Variants in CATSPER4 observed in about 807,000 individuals in gnomAD.
CATSPER4 encodes cation channel sperm associated 4.
In CATSPER4, 46 loss-of-function variants were observed where a neutral mutation model predicts 54.4. The ratio of observed to expected loss-of-function variants is 0.84; its 90% CI spans 0.67 to 1.08. CATSPER4 has a LOEUF of 1.08. Ranked by LOEUF, CATSPER4 falls within the 50% of genes least tolerant of loss-of-function variation. CATSPER4 has a pLI of 0.00. For synonymous variants in CATSPER4, 230 were observed against 231.9 expected (o/e 0.99, Z 0.08); for missense variants, 574 against 612.8 (o/e 0.94, Z 0.67).
chr1:26,193,832 A>G lies in CATSPER4; in HGVS notation c.403A>G (p.Ile135Val), dbSNP rs1219986009. ...FSTIDDIVLT[I>V]LLCEVLLGWL... is the part of the protein sequence containing the mutation. ...TACCATAGATGACATTGTGCTGACC[A>G]TCCTTCTTTGTGAGGTTCTCCTTGG... Residue 135 changes from isoleucine (I) to valine (V), a missense_variant, in exon 3 of 10, where the codon ATC (isoleucine) becomes GTC (valine). Coordinates refer to ENST00000456354, the MANE Select transcript of CATSPER4 (RefSeq NM_198137.2). 2.5e-6 allele frequency: 4 copies of G among 1,613,926 alleles called. No homozygotes were observed. The highest frequency in any genetic ancestry group is 1.3e-5 in the African/African-American group (1 of 74,878).
At chr1:26,194,239 G>A (rs1569902122) in intron 3 of CATSPER4, among the ~76,000 whole-genome samples, 1 of 152,330 alleles carries the variant, frequency 6.6e-6, no homozygotes, top group East Asian at 1.9e-4. Flanking sequence ...AAGATTTTAA[G>A]CTTCATGGCT....
Position 26,197,722 on chromosome 1 carries a change from A to T in CATSPER4, c.496A>T (p.Ile166Phe). 6.2e-7 allele frequency: 1 copy of T among 1,613,774 alleles called. No homozygotes were observed. The highest frequency in any genetic ancestry group is 8.5e-7 in the Non-Finnish European group (1 of 1,179,962). Residue 166 changes from isoleucine (I) to phenylalanine (F), a missense_variant, in exon 4 of 10, where the codon ATC (isoleucine) becomes TTC (phenylalanine). Coordinates refer to ENST00000456354, the MANE Select transcript of CATSPER4 (RefSeq NM_198137.2). ...WNILNFIIVF[I>F]LLLRFFINEI... ...CATCCTCAACTTCATTATCGTCTTTATCTTGCTCTTGCGGTTCTTCATTAA... is the reference window on the plus strand; with the variant it reads ...CATCCTCAACTTCATTATCGTCTTTTTCTTGCTCTTGCGGTTCTTCATTAA...
intron 3 of CATSPER4, among the ~76,000 whole-genome samples, chr1:26,196,310 T>G (rs2088937531): frequency 6.6e-6 from 1 of 151,734 alleles, no homozygotes; most frequent in Admixed American, 6.6e-5. Context: ...GCTACATAGC[T>G]ACATAGTATT....
At chr1:26,201,780 C>G (rs1438031038) in intron 9 of CATSPER4, among the ~76,000 whole-genome samples, 3 of 149,648 alleles carry the variant, frequency 2.0e-5, no homozygotes, top group Non-Finnish European at 4.4e-5. Context: ...ACCTCTGCGG[C>G]CTGGGTTCAA....
rs199946876 is a variant in CATSPER4 at position 26,190,818 on chromosome 1, G to A, written c.191G>A (p.Arg64His). 32 of 1,611,350 alleles carry A rather than the reference G, an allele frequency of 2.0e-5. 1 individual carries two copies. The highest frequency in any genetic ancestry group is 8.5e-6 in the Non-Finnish European group (10 of 1,178,998). Residue 64 changes from arginine (R) to histidine (H), a missense_variant, in exon 1 of 10, where the codon CGC becomes CAC. Transcript: ENST00000456354. ...GRPEEQVLIN[R>H]QEITNKADAW... ...CCAGAGGAGCAAGTGCTCATCAACCGCCAGGAAATCACGAACAAAGCGGTA... is the reference window on the plus strand; with the variant it reads ...CCAGAGGAGCAAGTGCTCATCAACCACCAGGAAATCACGAACAAAGCGGTA...
chr1:26,201,713 G>A (rs1180968868), intron 9 of CATSPER4, 194 bp downstream of exon 9: 7 of 498,442 alleles, frequency 1.4e-5, no homozygotes, highest in South Asian at 4.1e-5. Context: ...TTTTTGAGAC[G>A]GAGTCTTACT....
intron 3 of CATSPER4, among the ~76,000 whole-genome samples, chr1:26,195,496 T>G (rs550510665): frequency 3.7e-3 from 204 of 55,624 alleles, no homozygotes; most frequent in African/African-American, 0.013. Context: ...TCTTTTTTCT[T>G]TTTCTTTTTC....
At chr1:26,201,722 C>T in intron 9 of CATSPER4, 1 of 487,430 alleles carries the variant, frequency 2.1e-6, no homozygotes, top group South Asian at 2.1e-5. Flanking sequence ...CGGAGTCTTA[C>T]TCCATCGCCC....
chr1:26,199,262 C>T (rs2124528541), intron 6 of CATSPER4, among the ~76,000 whole-genome samples: 1 of 152,106 alleles, frequency 6.6e-6, no homozygotes, highest in African/African-American at 2.4e-5. Context: ...AAGGTGAAAC[C>T]CCGTCTCTAC....
rs1278202392 is a variant in CATSPER4, at chr1:26,190,619, T to C, written c.-9T>C. 1.3e-6 allele frequency: 2 copies of C among 1,598,174 alleles called. No individual in the cohort carries two copies. Among genetic ancestry groups the C allele is most frequent in the Admixed American group, 3.4e-5 (2 of 59,514 alleles). ...GATTCTTTGAGGAGAAGGAAGAGACTGAGCAAACATGAGGGATAATGAAAA... is the reference window on the plus strand; with the variant it reads ...GATTCTTTGAGGAGAAGGAAGAGACCGAGCAAACATGAGGGATAATGAAAA... On this transcript the variant is annotated 5_prime_UTR_variant, in exon 1 of 10. Coordinates refer to ENST00000456354, the MANE Select transcript of CATSPER4 (RefSeq NM_198137.2).
chr1:26,195,554 G>A lies in CATSPER4; in HGVS notation c.459+1666G>A, dbSNP rs1316558729. On this transcript the variant is annotated intron_variant, in intron 3 of 9. Transcript: ENST00000456354. ...CTCGCTCTGTCGCCTGGGCTGGAGT[G>A]CAGTGGCGCGATCTCGGCTCACTGC... is the stretch of plus-strand genomic sequence containing the variant. Among the ~76,000 whole-genome samples, 12 of 150,110 alleles carry A rather than the reference G, an allele frequency of 8.0e-5. No individual in the cohort carries two copies. The East Asian group carries it at 1.8e-3, about 22-fold the overall frequency.
chr1:26,197,703 C>A lies in CATSPER4; in HGVS notation c.477C>A (p.Leu159=), dbSNP rs770346538. 2 of 1,613,356 alleles carry A rather than the reference C, an allele frequency of 1.2e-6. No homozygotes were observed. Among genetic ancestry groups the A allele is most frequent in the Middle Eastern group, 3.7e-4 (2 of 5,392 alleles). Residue 159 remains leucine (L), a synonymous_variant, in exon 4 of 10, where the codon CTC becomes CTA. Coordinates refer to ENST00000456354, the MANE Select transcript of CATSPER4 (RefSeq NM_198137.2). ...WIFWKDGWNI[L]NFIIVFILLL... is the part of the protein sequence containing the mutation. ...CTCCCCAGGACGGCTGGAACATCCT[C>A]AACTTCATTATCGTCTTTATCTTGC...
At chr1:26,195,603 A>G (rs754448389) in intron 3 of CATSPER4, among the ~76,000 whole-genome samples, 3 of 150,544 alleles carry the variant, frequency 2.0e-5, no homozygotes, top group Non-Finnish European at 2.9e-5. Context: ...CCGGGTTCAC[A>G]CCATTCTTCT....
Position 26,200,853 on chromosome 1 carries a change from G to A in CATSPER4, c.1011G>A (p.Glu337=). The A allele has an allele frequency of 6.2e-7, 1 of 1,614,098 alleles. No homozygotes were observed. Among genetic ancestry groups the A allele is most frequent in the Non-Finnish European group, 8.5e-7 (1 of 1,179,936 alleles). The change falls in exon 8 of 10, where the codon GAG becomes GAA. Residue 337 remains glutamate (E), a synonymous_variant. Transcript: ENST00000456354. Reference sequence around the variant, plus strand: ...AGACAGGCGCAGAGGAAGAGGAGGAGAATGACCAGCTGCCACTGGTGCATT... The same window carrying A: ...AGACAGGCGCAGAGGAAGAGGAGGAAAATGACCAGCTGCCACTGGTGCATT... ...FSETGAEEEE[E]NDQLPLVHCV...
Position 26,202,653 on chromosome 1 carries a change from T to G in CATSPER4, c.*111T>G. On this transcript the variant is annotated 3_prime_UTR_variant, in exon 10 of 10. Coordinates refer to ENST00000456354, the MANE Select transcript of CATSPER4 (RefSeq NM_198137.2). ...TGGCCAGAGCCCATCCTCTCCCTTA[T>G]ACCTGGGCAGAGGCCAGGGGCTGTG... 3.9e-6 allele frequency: 4 copies of G among 1,034,998 alleles called. No individual in the cohort carries two copies. The highest frequency in any genetic ancestry group is 3.0e-6 in the Non-Finnish European group (2 of 677,438). 64.1% of individuals were successfully genotyped at this position (1,034,998 alleles called of 1,614,324 possible).
intron 3 of CATSPER4, among the ~76,000 whole-genome samples, chr1:26,196,026 C>T (rs1486180751): frequency 2.0e-5 from 3 of 152,116 alleles, no homozygotes; most frequent in Admixed American, 6.5e-5. Flanking sequence ...CTCGATCTTC[C>T]GTTTCCTAAC....
Position 26,202,566 on chromosome 1 carries a change from G to A in CATSPER4, c.*24G>A. On this transcript the variant is annotated 3_prime_UTR_variant, in exon 10 of 10. Coordinates refer to ENST00000456354, the MANE Select transcript of CATSPER4 (RefSeq NM_198137.2). ...GAGAGGCCAGGATGGGAGCCAAGGG[G>A]CCTGCACACACACACCCAGCCGCTG... 1.2e-6 allele frequency: 2 copies of A among 1,603,314 alleles called. No homozygotes were observed. Among genetic ancestry groups the A allele is most frequent in the Non-Finnish European group, 1.7e-6 (2 of 1,173,280 alleles).
chr1:26,197,545 T>C, intron 3 of CATSPER4, 141 bp from the exon 4 acceptor site: 1 of 679,318 alleles, frequency 1.5e-6, no homozygotes, highest in Non-Finnish European at 2.7e-6. Context: ...GGCGGCAGGG[T>C]AACAGCAGTG....
chr1:26,201,418 CGCTCGTCGACGA>C lies in CATSPER4; in HGVS notation c.1267_1278del (p.Ser423_Ser426del). 1 of 1,614,060 alleles carries C rather than the reference CGCTCGTCGACGA, an allele frequency of 6.2e-7. No individual in the cohort carries two copies. Among genetic ancestry groups the C allele is most frequent in the Non-Finnish European group, 8.5e-7 (1 of 1,179,950 alleles). On this transcript the variant is annotated inframe_deletion, in exon 9 of 10. Transcript: ENST00000456354. ...GCAGGAGTCAGAGGTGTTGAACAGG[CGCTCGTCGACGA>C]GCGGGTCGTTGGAGACTACGTCATC...
Sources: gnomAD v4.1 joint callset for allele counts (sites outside exome capture counted in the v4.1 genomes callset) on GRCh38, gnomAD v4.1.1 for gene constraint, MANE v1.5 for transcripts, NCBI Gene and HGNC (gene_info 2026-07-23, HGNC 2026-07-21) for gene names.